CNTN5: variants seen among roughly 807,000 people sequenced by gnomAD.
CNTN5 encodes the protein contactin-5.
A neutral mutation model predicts 129.1 loss-of-function variants in CNTN5; 77 were observed. That is an observed-to-expected ratio of 0.60 (90% CI 0.50 to 0.72). The LOEUF (loss-of-function observed/expected upper bound fraction) is 0.72, where lower values mean the gene tolerates loss of function less well. CNTN5 is among the 30% of genes least tolerant of loss of function. The pLI is 0.00. For missense variants in CNTN5, 1,478 were observed against 1,328.8 expected, an observed-to-expected ratio of 1.11 and a Z score of -1.75; for synonymous variants, 509 against 465.6, an observed-to-expected ratio of 1.09 and a Z score of -1.20.
At chr11:100,005,801 A>T (rs1328234547) in intron 9 of CNTN5, among the ~76,000 whole-genome samples, 1 of 152,190 alleles carries the variant, frequency 6.6e-6, no homozygotes, top group African/African-American at 2.4e-5. Flanking sequence ...GTAATATTTT[A>T]TATAATAATG....
In CNTN5 at chr11:99,619,361, CATAAT is replaced by C. The variant is rs544365342; in HGVS notation, c.55+63096_55+63100del. On this transcript the variant is annotated intron_variant, in intron 3 of 24. Transcript: ENST00000524871. ...ATAGCTCAATGAGCAACTAATTAAA[CATAAT>C]ATATATTTCTGTCTGGTTTTTCGTT... Among the ~76,000 whole-genome samples, 563 of 152,128 alleles carry C rather than the reference CATAAT, an allele frequency of 3.7e-3. 3 individuals carry two copies. The highest frequency in any genetic ancestry group is 0.012 in the African/African-American group (516 of 41,538).
At chr11:99,766,895 G>A (rs994529258) in intron 3 of CNTN5, among the ~76,000 whole-genome samples, 2 of 151,968 alleles carry the variant, frequency 1.3e-5, no homozygotes, top group Non-Finnish European at 2.9e-5. Flanking sequence ...AGATTACAAC[G>A]ATATCAGCTT....
chr11:99,097,030 C>T (rs1472332313), intron 1 of CNTN5, among the ~76,000 whole-genome samples: 6 of 151,972 alleles, frequency 3.9e-5, no homozygotes, highest in South Asian at 2.1e-4. Context: ...TTAGCTATCA[C>T]TATGTTCTGT....
intron 2 of CNTN5, among the ~76,000 whole-genome samples, chr11:99,453,805 C>T (rs908359487): frequency 2.6e-5 from 4 of 152,036 alleles, no homozygotes; most frequent in East Asian, 1.9e-4. Context: ...TGACTGCCTT[C>T]GATATAAGCC....
At chr11:99,583,486 C>G (rs140532303) in intron 3 of CNTN5, among the ~76,000 whole-genome samples, 1,616 of 152,300 alleles carry the variant, frequency 0.011, 24 homozygotes, top group African/African-American at 0.035. Context: ...GTTTGAGCTT[C>G]CCATCCGCTT....
chr11:99,402,893 T>C (rs866021427), intron 2 of CNTN5, among the ~76,000 whole-genome samples: 2 of 152,212 alleles, frequency 1.3e-5, no homozygotes, highest in Non-Finnish European at 2.9e-5. Context: ...TCCTTTGAAT[T>C]CCTGTGGTAT....
At chr11:99,350,247 A>G (rs1938199793) in intron 2 of CNTN5, among the ~76,000 whole-genome samples, 1 of 152,184 alleles carries the variant, frequency 6.6e-6, no homozygotes, top group African/African-American at 2.4e-5. Flanking sequence ...AAGCAAATTA[A>G]CAACGGAATG....
At chr11:99,810,937 T>C (rs573274655) in intron 3 of CNTN5, among the ~76,000 whole-genome samples, 2 of 152,250 alleles carry the variant, frequency 1.3e-5, no homozygotes, top group East Asian at 1.9e-4. Context: ...GTCTGACATA[T>C]AAGTTGATGA....
At chr11:99,846,911 A>G (rs1184189441) in intron 6 of CNTN5, among the ~76,000 whole-genome samples, 3 of 152,218 alleles carry the variant, frequency 2.0e-5, no homozygotes, top group Non-Finnish European at 4.4e-5. Flanking sequence ...AGCAGCCTAA[A>G]TAGATTCTTT....
chr11:99,046,658 A>G (rs1252994732), intron 1 of CNTN5, among the ~76,000 whole-genome samples: 1 of 152,000 alleles, frequency 6.6e-6, no homozygotes, highest in Non-Finnish European at 1.5e-5. Flanking sequence ...TTGTTTATTT[A>G]TTTTAGTTTT....
chr11:99,366,541 T>C (rs1939454991), intron 2 of CNTN5, among the ~76,000 whole-genome samples: 2 of 152,152 alleles, frequency 1.3e-5, no homozygotes. Flanking sequence ...CAAAATGTCC[T>C]TTCTTTGACT....
intron 1 of CNTN5, among the ~76,000 whole-genome samples, chr11:99,306,455 G>T (rs558208159): frequency 4.6e-5 from 7 of 152,086 alleles, no homozygotes; most frequent in Non-Finnish European, 5.9e-5. Context: ...ATGAGGTAAA[G>T]AAAATAAAAT....
At chr11:99,839,815 C>A (rs1947421943) in intron 4 of CNTN5, among the ~76,000 whole-genome samples, 2 of 151,876 alleles carry the variant, frequency 1.3e-5, no homozygotes, top group South Asian at 2.1e-4. Context: ...CCAAACTCAA[C>A]AAAGTCAAAC....
At chr11:99,709,014 A>C (rs1274140514) in intron 3 of CNTN5, among the ~76,000 whole-genome samples, 1 of 151,810 alleles carries the variant, frequency 6.6e-6, no homozygotes, top group Non-Finnish European at 1.5e-5. Context: ...TGTTTTCCAA[A>C]CGCAAAGCTG....
intron 4 of CNTN5, among the ~76,000 whole-genome samples, chr11:99,826,148 T>C (rs77449646): frequency 1.4e-4 from 21 of 152,318 alleles, no homozygotes; most frequent in Admixed American, 3.9e-4. Context: ...TTATTGACTT[T>C]GGCTTTTTTT....
intron 8 of CNTN5, among the ~76,000 whole-genome samples, chr11:99,990,403 AT>A (rs1436023668): frequency 4.0e-5 from 6 of 150,828 alleles, no homozygotes; most frequent in African/African-American, 1.2e-4. Context: ...CCAAAAAAAA[AT>A]ATTTTTAGAA....
chr11:99,341,104 C>A (rs897675966), intron 2 of CNTN5, among the ~76,000 whole-genome samples: 1 of 151,998 alleles, frequency 6.6e-6, no homozygotes, highest in African/African-American at 2.4e-5. Context: ...TAGATAAAAG[C>A]CTAACAAGAG....
intron 3 of CNTN5, among the ~76,000 whole-genome samples, chr11:99,588,577 G>A (rs2515373): frequency 0.91 from 137,821 of 152,170 alleles, 62,549 homozygotes; most frequent in South Asian, 0.95. Context: ...GGCACGTGGT[G>A]GAGGTAGGAG....
intron 1 of CNTN5, among the ~76,000 whole-genome samples, chr11:99,079,187 A>G (rs2135275651): frequency 2.0e-5 from 3 of 152,310 alleles, no homozygotes; most frequent in Admixed American, 2.0e-4. Flanking sequence ...TTAATGGTAC[A>G]TAATTAGTTA....
Sources: gnomAD v4.1 joint callset for allele counts (sites outside exome capture counted in the v4.1 genomes callset) on GRCh38, gnomAD v4.1.1 for gene constraint, MANE v1.5 for transcripts, NCBI Gene and HGNC (gene_info 2026-07-23, HGNC 2026-07-21) for gene names.